The following ABHD3 variants were observed in gnomAD, a reference collection of about 807,000 sequenced individuals.
ABHD3 encodes phospholipase ABHD3.
A neutral mutation model predicts 48.8 loss-of-function variants in ABHD3; 46 were observed. That is an observed-to-expected ratio of 0.94 (90% confidence interval 0.74 to 1.20). The LOEUF is 1.20. Ranked by LOEUF, ABHD3 falls within the 50% of genes most tolerant of loss-of-function variation. The pLI, the probability that ABHD3 is intolerant of heterozygous loss-of-function variation, is 0.00. For missense variants in ABHD3, 490 were observed against 497.8 expected, an observed-to-expected ratio of 0.98 and a Z score of 0.15; for synonymous variants, 192 against 183.7, an observed-to-expected ratio of 1.04 and a Z score of -0.36.
intron 8 of ABHD3, among the ~76,000 whole-genome samples, chr18:21,653,004 G>A (rs1372191861): frequency 8.3e-6 from 1 of 120,758 alleles, no homozygotes; most frequent in African/African-American, 3.2e-5. Context: ...AGTGAGCCAA[G>A]ATCATGCCAC....
At chr18:21,677,504 C>T (rs2039911558) in intron 4 of ABHD3, among the ~76,000 whole-genome samples, 2 of 152,020 alleles carry the variant, frequency 1.3e-5, no homozygotes, top group African/African-American at 2.4e-5. Flanking sequence ...CTATGCCCAG[C>T]CGACTTCATT....
chr18:21,700,843 AAAAAAAT>A (rs1188020233), intron 3 of ABHD3, among the ~76,000 whole-genome samples: 4 of 148,370 alleles, frequency 2.7e-5, no homozygotes, highest in African/African-American at 1.0e-4. Context: ...AAAAAAAAAA[AAAAAAAT>A]GGAACCAGGC....
chr18:21,671,128 T>A (rs1428432424), intron 4 of ABHD3, among the ~76,000 whole-genome samples: 1 of 152,200 alleles, frequency 6.6e-6, no homozygotes, highest in Admixed American at 6.5e-5. Context: ...CCCTATCCCA[T>A]GTGAGTCTCT....
chr18:21,672,190 C>T (rs1284542767), intron 4 of ABHD3, among the ~76,000 whole-genome samples: 2 of 152,088 alleles, frequency 1.3e-5, no homozygotes, highest in African/African-American at 4.8e-5. Flanking sequence ...AAATTCTTTT[C>T]ATTAAAAAAA....
At chr18:21,693,693 C>T (rs766610432) in intron 3 of ABHD3, among the ~76,000 whole-genome samples, 2 of 152,190 alleles carry the variant, frequency 1.3e-5, no homozygotes, top group Non-Finnish European at 2.9e-5. Context: ...TCATTCAGTG[C>T]TTTCTAACAT....
At chr18:21,672,999 C>G (rs1473785358) in intron 4 of ABHD3, among the ~76,000 whole-genome samples, 1 of 152,190 alleles carries the variant, frequency 6.6e-6, no homozygotes, top group African/African-American at 2.4e-5. Context: ...CAGATGGCAG[C>G]CGTGCATGCT....
chr18:21,691,083 A>G (rs554164138), intron 3 of ABHD3, among the ~76,000 whole-genome samples: 1 of 152,274 alleles, frequency 6.6e-6, no homozygotes, highest in East Asian at 1.9e-4. Context: ...ATACTCTGAA[A>G]GTTAAAGTGT....
intron 3 of ABHD3, among the ~76,000 whole-genome samples, chr18:21,698,276 C>T (rs1375345932): frequency 6.6e-6 from 1 of 151,912 alleles, no homozygotes; most frequent in Non-Finnish European, 1.5e-5. Context: ...ACCTCCGCCT[C>T]CTGGGTTCAA....
intron 3 of ABHD3, 84 bp downstream of exon 3, chr18:21,702,232 A>C: frequency 8.1e-7 from 1 of 1,237,768 alleles, no homozygotes; most frequent in South Asian, 1.8e-5. Context: ...AGAAGTACTA[A>C]GTATTTCTGA....
intron 4 of ABHD3, chr18:21,683,078 A>G (rs1487156322): frequency 1.3e-5 from 2 of 152,882 alleles, no homozygotes; most frequent in Non-Finnish European, 2.9e-5. Flanking sequence ...ACCTGATTGT[A>G]AATTTTTATT....
At chr18:21,658,323 T>C (rs1377412648) in intron 6 of ABHD3, among the ~76,000 whole-genome samples, 1 of 152,214 alleles carries the variant, frequency 6.6e-6, no homozygotes, top group Admixed American at 6.5e-5. Flanking sequence ...CTAAGTGAAC[T>C]GCATTCTCCT....
intron 6 of ABHD3, among the ~76,000 whole-genome samples, chr18:21,658,369 C>G (rs1219346476): frequency 6.6e-6 from 1 of 152,150 alleles, no homozygotes; most frequent in Non-Finnish European, 1.5e-5. Context: ...AGCACACCCT[C>G]AAGGAGCTGT....
intron 3 of ABHD3, among the ~76,000 whole-genome samples, chr18:21,684,311 C>CTTTTTTT (rs564516602): frequency 5.4e-4 from 45 of 82,814 alleles, no homozygotes; most frequent in South Asian, 9.9e-4. Flanking sequence ...AATGTTTTTG[C>CTTTTTTT]TTTTTTTTTT....
At position 21,703,646 on chromosome 18, in the gene ABHD3, C is replaced by T. The variant is rs142589005; in HGVS notation, c.264G>A (p.Glu88=). The T allele has an allele frequency of 6.2e-7, 1 of 1,614,032 alleles. No homozygotes were observed. Among genetic ancestry groups the T allele is most frequent in the Non-Finnish European group, 8.5e-7 (1 of 1,180,036 alleles). ...GTCTAAGCAGGGTCTGTCCTCGACCCTCCCAGCACCAGACCGTCGGGTAGT... is the reference window on the plus strand; with the variant it reads ...GTCTAAGCAGGGTCTGTCCTCGACCTTCCCAGCACCAGACCGTCGGGTAGT... ...ETYYPTVWCW[E]GRGQTLLRPF... is the part of the protein sequence containing the mutation. The change falls in exon 2 of 9, where the codon GAG becomes GAA. Residue 88 remains glutamate, a synonymous_variant. Transcript: ENST00000289119.
rs184360331 is a variant in ABHD3, at chr18:21,676,198, T to A, written c.555+7722A>T. Among the ~76,000 whole-genome samples, 274 of 152,320 alleles carry A rather than the reference T, an allele frequency of 1.8e-3. 1 individual carries two copies. The highest frequency in any genetic ancestry group is 6.4e-3 in the African/African-American group (268 of 41,568). On this transcript the variant is annotated intron_variant, in intron 4 of 8. Coordinates refer to ENST00000289119, the MANE Select transcript of ABHD3 (RefSeq NM_138340.5). ...CAACAATATTTTATAGCCATCATGA[T>A]GTGTAGAAAGTGCTGACCTGGGAGT...
At chr18:21,685,672 G>A (rs1183261702) in intron 3 of ABHD3, among the ~76,000 whole-genome samples, 1 of 152,034 alleles carries the variant, frequency 6.6e-6, no homozygotes, top group Non-Finnish European at 1.5e-5. Flanking sequence ...GGGACCACAG[G>A]TGCACACCAA....
intron 5 of ABHD3, chr18:21,663,911 C>A: frequency 7.0e-7 from 1 of 1,432,210 alleles, no homozygotes; most frequent in Non-Finnish European, 9.1e-7. Context: ...TCACAGAGAC[C>A]CGTAGTTAAG....
At chr18:21,703,814 C>T (rs2040570715) in intron 1 of ABHD3, 67 bp from the exon 2 acceptor site, 2 of 1,552,612 alleles carry the variant, frequency 1.3e-6, no homozygotes, top group Non-Finnish European at 8.8e-7. Flanking sequence ...AACCAGAAAC[C>T]GGCAAAGACT....
chr18:21,671,812 T>C (rs1002121490), intron 4 of ABHD3, among the ~76,000 whole-genome samples: 2 of 152,186 alleles, frequency 1.3e-5, no homozygotes, highest in Non-Finnish European at 2.9e-5. Context: ...ATCATTATTA[T>C]TTTTTATAGA....
Sources: allele counts gnomAD v4.1 joint callset (sites outside exome capture counted in the v4.1 genomes callset), GRCh38; gene constraint gnomAD v4.1.1; transcripts MANE v1.5; gene names NCBI Gene and HGNC (gene_info 2026-07-23, HGNC 2026-07-21).